The following NFXL1 variants were observed in gnomAD, a reference collection of about 807,000 sequenced individuals.
NFXL1 encodes the protein nuclear transcription factor, X-box binding like 1.
A neutral mutation model predicts 123.3 loss-of-function variants in NFXL1; 66 were observed. The ratio of observed to expected loss-of-function variants is 0.54; its 90% confidence interval spans 0.44 to 0.66. The LOEUF (loss-of-function observed/expected upper bound fraction) is 0.66, where lower values mean the gene tolerates loss of function less well. NFXL1 is among the 30% of genes least tolerant of loss of function. The pLI is 0.00. For synonymous variants in NFXL1, 346 were observed against 360.8 expected (o/e 0.96, Z 0.46); for missense variants, 944 against 1,125.6 (o/e 0.84, Z 2.31).
intron 20 of NFXL1, among the ~76,000 whole-genome samples, chr4:47,853,390 T>A (rs1238694739): frequency 6.6e-6 from 1 of 152,120 alleles, no homozygotes; most frequent in East Asian, 1.9e-4. Flanking sequence ...ATGTAAGCAC[T>A]ACCTCTTTTA....
chr4:47,904,922 A>AT (rs1217971439), intron 4 of NFXL1, among the ~76,000 whole-genome samples: 5 of 128,360 alleles, frequency 3.9e-5, no homozygotes, highest in African/African-American at 5.7e-5. Flanking sequence ...GTAATAAAAT[A>AT]TAGTACATTT....
At chr4:47,862,598 A>C (rs1734832218) in intron 19 of NFXL1, among the ~76,000 whole-genome samples, 1 of 152,172 alleles carries the variant, frequency 6.6e-6, no homozygotes, top group Non-Finnish European at 1.5e-5. Context: ...TCAATACTTT[A>C]TTGTATAAAG....
At chr4:47,891,255 G>A (rs1736754764) in intron 11 of NFXL1, among the ~76,000 whole-genome samples, 1 of 151,646 alleles carries the variant, frequency 6.6e-6, no homozygotes, top group African/African-American at 2.4e-5. Flanking sequence ...AGTTCTACAT[G>A]CTCTCCCCAC....
intron 10 of NFXL1, among the ~76,000 whole-genome samples, chr4:47,896,086 G>A (rs1476979536): frequency 6.6e-6 from 1 of 152,176 alleles, no homozygotes; most frequent in Non-Finnish European, 1.5e-5. Flanking sequence ...TAAAGTCACT[G>A]TCTAATAGAG....
At chr4:47,849,724 C>T (rs913198444) in intron 22 of NFXL1, among the ~76,000 whole-genome samples, 1 of 152,072 alleles carries the variant, frequency 6.6e-6, no homozygotes, top group African/African-American at 2.4e-5. Flanking sequence ...ATATTATGTG[C>T]TGTATACAGT....
intron 6 of NFXL1, 111 bp from the exon 7 acceptor site, chr4:47,899,231 C>A: frequency 7.7e-7 from 1 of 1,292,846 alleles, no homozygotes. Context: ...TTTACTGACA[C>A]TTTACAAAAG....
At chr4:47,908,147 G>A (rs953186711) in intron 3 of NFXL1, among the ~76,000 whole-genome samples, 2 of 152,180 alleles carry the variant, frequency 1.3e-5, no homozygotes, top group African/African-American at 4.8e-5. Context: ...TTAACTCTCA[G>A]CCAGGCACAG....
chr4:47,863,776 A>G (rs1209547830), intron 18 of NFXL1, among the ~76,000 whole-genome samples: 1 of 152,242 alleles, frequency 6.6e-6, no homozygotes, highest in Non-Finnish European at 1.5e-5. Context: ...TGAGTAATTC[A>G]GAAAAAAGTC....
intron 15 of NFXL1, among the ~76,000 whole-genome samples, chr4:47,880,464 C>CCACAGACT (rs1736026762): frequency 6.8e-6 from 1 of 147,096 alleles, no homozygotes; most frequent in South Asian, 2.1e-4. Flanking sequence ...AAAAGATAAG[C>CCACAGACT]CACAGACTGG....
In NFXL1 at chr4:47,862,855, G is replaced by T; in HGVS notation, c.2307C>A (p.Cys769Ter). The part of the protein sequence containing the change: ...KNLLSCCKNQ[C>*]PKELPCGHRC... ...TTCTACTAAAGCTTACCTCTTTAGG[G>T]CACTGATTTTTGCAACAACTGAGGA... The change falls in exon 19 of 23, where the codon TGC becomes TGA. Residue 769 changes from cysteine to a stop codon, truncating the protein, a stop_gained. Coordinates refer to ENST00000507489, the MANE Select transcript of NFXL1 (RefSeq NM_001278624.2). LOFTEE classifies it high-confidence loss of function. 6.4e-7 allele frequency: 1 copy of T among 1,555,296 alleles called. No individual in the cohort carries two copies. Among genetic ancestry groups the T allele is most frequent in the Non-Finnish European group, 8.8e-7 (1 of 1,142,532 alleles).
At chr4:47,860,793 C>T (rs1477884738) in intron 19 of NFXL1, among the ~76,000 whole-genome samples, 2 of 152,034 alleles carry the variant, frequency 1.3e-5, no homozygotes, top group Admixed American at 6.5e-5. Flanking sequence ...AATAGAAATG[C>T]AAAATGTAGG....
intron 2 of NFXL1, among the ~76,000 whole-genome samples, chr4:47,912,841 A>AC (rs1415265484): frequency 1.3e-5 from 2 of 148,852 alleles, no homozygotes; most frequent in Non-Finnish European, 3.0e-5. Flanking sequence ...AAAAAAAAAA[A>AC]CCAAAGAACA....
At chr4:47,904,065 T>G (rs1424480438) in intron 4 of NFXL1, among the ~76,000 whole-genome samples, 1 of 152,176 alleles carries the variant, frequency 6.6e-6, no homozygotes, top group East Asian at 1.9e-4. Flanking sequence ...GACTTCTTAG[T>G]TTGGGTTACC....
chr4:47,899,081 C>G lies in NFXL1; in HGVS notation c.866G>C (p.Cys289Ser), dbSNP rs1298602188. 1 of 1,564,548 alleles carries G rather than the reference C, an allele frequency of 6.4e-7. No homozygotes were observed. Among genetic ancestry groups the G allele is most frequent in the Non-Finnish European group, 8.6e-7 (1 of 1,159,752 alleles). Residue 289 changes from cysteine (C) to serine (S), a missense_variant, in exon 7 of 23, where the codon TGT (cysteine) becomes TCT (serine). Physicochemically the swap from Cys to Ser is moderately radical, Grantham distance 112. Coordinates refer to ENST00000507489, the MANE Select transcript of NFXL1 (RefSeq NM_001278624.2). Reference sequence around the variant, plus strand: ...GATAGGTTTTGCTTTCTTACAGTAACAAGTAGTTGTGACCATCTTTGGACA... The same window carrying G: ...GATAGGTTTTGCTTTCTTACAGTAAGAAGTAGTTGTGACCATCTTTGGACA... ...PPCPKMVTTT[C>S]YCKKAKPIPR...
At chr4:47,850,733 T>C (rs1243357425) in intron 22 of NFXL1, among the ~76,000 whole-genome samples, 1 of 152,082 alleles carries the variant, frequency 6.6e-6, no homozygotes, top group Non-Finnish European at 1.5e-5. Context: ...TCAAATACTT[T>C]TAGTTAAGTA....
intron 20 of NFXL1, among the ~76,000 whole-genome samples, chr4:47,852,386 C>T (rs1734169087): frequency 6.6e-6 from 1 of 152,042 alleles, no homozygotes; most frequent in Admixed American, 6.6e-5. Context: ...CTACTGAGCA[C>T]TTGAAATGTG....
At chr4:47,868,567 C>T (rs1011054478) in intron 18 of NFXL1, among the ~76,000 whole-genome samples, 11 of 149,844 alleles carry the variant, frequency 7.3e-5, no homozygotes, top group Non-Finnish European at 1.5e-4. Context: ...ACATTAAAAA[C>T]GTACAAAAAA....
intron 8 of NFXL1, 26 bp downstream of exon 8, chr4:47,898,731 A>C: frequency 5.0e-4 from 547 of 1,085,796 alleles, no homozygotes; most frequent in Non-Finnish European, 7.0e-4. Flanking sequence ...TTTAATACCC[A>C]CCCCTCAAAA....
chr4:47,905,770 T>G (rs1737542068), intron 3 of NFXL1, among the ~76,000 whole-genome samples: 1 of 151,598 alleles, frequency 6.6e-6, no homozygotes, highest in Non-Finnish European at 1.5e-5. Flanking sequence ...GGGGTGGGTG[T>G]GTGTGTATGA....
Sources: gnomAD v4.1 joint callset for allele counts (sites outside exome capture counted in the v4.1 genomes callset) on GRCh38, gnomAD v4.1.1 for gene constraint, MANE v1.5 for transcripts, NCBI Gene and HGNC (gene_info 2026-07-23, HGNC 2026-07-21) for gene names.